HIF3A: variants seen among roughly 807,000 people sequenced by gnomAD.
The protein encoded by HIF3A is hypoxia-inducible factor 3-alpha.
Under a neutral mutation model 67.2 loss-of-function variants are expected in HIF3A, and 41 were observed. That is an observed-to-expected ratio of 0.61 (90% CI 0.48 to 0.79). The LOEUF is 0.79. HIF3A is among the 30% of genes least tolerant of loss of function. HIF3A has a pLI of 0.00. For synonymous variants in HIF3A, 356 were observed against 374.8 expected (o/e 0.95, Z 0.58); for missense variants, 855 against 898.0 (o/e 0.95, Z 0.61).
intron 1 of HIF3A, chr19:46,298,373 C>A: frequency 2.3e-6 from 3 of 1,280,208 alleles, no homozygotes; most frequent in South Asian, 1.2e-5. Flanking sequence ...GCCCCCCCTC[C>A]CCACCCAAGG....
intron 11 of HIF3A, among the ~76,000 whole-genome samples, chr19:46,326,820 A>T (rs903560202): frequency 6.6e-6 from 1 of 152,144 alleles, no homozygotes; most frequent in Non-Finnish European, 1.5e-5. Context: ...TTTGAAATCC[A>T]TATGGGAAAA....
chr19:46,297,149 T>G lies in HIF3A; in HGVS notation c.26+47T>G. The G allele has an allele frequency of 1.6e-5, 6 of 373,828 alleles. No individual in the cohort carries two copies. Among genetic ancestry groups the G allele is most frequent in the Admixed American group, 4.1e-5 (1 of 24,358 alleles). The allele number at this position is 373,828 out of a possible 1,614,324, so 23.2% of individuals were successfully genotyped here. A position where few individuals can be genotyped will look rare whatever the true frequency, so the allele number is the denominator to read the frequency against. On this transcript the variant is annotated intron_variant, in intron 1 of 14. Coordinates refer to ENST00000377670, the MANE Select transcript of HIF3A (RefSeq NM_152795.4). This position sits in a 1 kb window ranked among gnomAD's most constrained non-coding sequence, Gnocchi z 4.5. ...AGTTCTGGGAATTGGGGGGCTCTCC[T>G]CCTGGAGACCCCTGAGCTGGATTGT...
At chr19:46,309,445 TTCTCTC>T in intron 6 of HIF3A, 86 bp downstream of exon 6, 1 of 676,384 alleles carries the variant, frequency 1.5e-6, no homozygotes, top group Non-Finnish European at 2.4e-6. Context: ...CTCTCTCTCC[TTCTCTC>T]TCTCTCTCTC....
At chr19:46,334,493 C>T (rs538537490) in intron 13 of HIF3A, among the ~76,000 whole-genome samples, 2 of 152,236 alleles carry the variant, frequency 1.3e-5, no homozygotes, top group Middle Eastern at 3.4e-3. Context: ...CTTGGCCTTC[C>T]AAAAGCACTA....
chr19:46,336,762 G>A (rs183607051), intron 14 of HIF3A, among the ~76,000 whole-genome samples: 1 of 152,064 alleles, frequency 6.6e-6, no homozygotes, highest in African/African-American at 2.4e-5. Flanking sequence ...TGAGGCAGGC[G>A]GACCACCTGA....
At chr19:46,329,576 C>T in intron 12 of HIF3A, 98 bp downstream of exon 12, 3 of 1,353,018 alleles carry the variant, frequency 2.2e-6, no homozygotes, top group Non-Finnish European at 2.9e-6. Flanking sequence ...TTTCTCTAAC[C>T]CTGATCTCTG....
chr19:46,309,177 G>A lies in HIF3A; in HGVS notation c.588G>A (p.Arg196=), dbSNP rs1239463748. 1.2e-6 allele frequency: 2 copies of A among 1,613,908 alleles called. No individual in the cohort carries two copies. The highest frequency in any genetic ancestry group is 1.7e-5 in the Admixed American group (1 of 59,980). The change falls in exon 6 of 15, where the codon AGG becomes AGA. Residue 196 remains arginine (R), a synonymous_variant. Coordinates refer to ENST00000377670, the MANE Select transcript of HIF3A (RefSeq NM_152795.4). ...WKVLNCSGHM[R]AYKPPAQTSP... is the part of the protein sequence containing the mutation. ...TGCTGAACTGCTCTGGACATATGAGGGCCTACAAGCCACCTGCGCAGACTT... is the reference window on the plus strand; with the variant it reads ...TGCTGAACTGCTCTGGACATATGAGAGCCTACAAGCCACCTGCGCAGACTT...
intron 3 of HIF3A, among the ~76,000 whole-genome samples, chr19:46,307,975 C>T (rs202217509): frequency 1.3e-4 from 3 of 23,848 alleles, no homozygotes; most frequent in Non-Finnish European, 2.2e-4. Flanking sequence ...GACAGACAGA[C>T]AGACAGACAG....
chr19:46,302,660 G>A (rs1298553932), intron 1 of HIF3A, among the ~76,000 whole-genome samples: 1 of 152,182 alleles, frequency 6.6e-6, no homozygotes, highest in Non-Finnish European at 1.5e-5. Flanking sequence ...GATCACTTGA[G>A]TTCAGGAGTT....
chr19:46,299,312 C>T (rs1968131447), intron 1 of HIF3A, among the ~76,000 whole-genome samples: 1 of 152,246 alleles, frequency 6.6e-6, no homozygotes, highest in South Asian at 2.1e-4. Flanking sequence ...GTGGGGGCCA[C>T]ACCTGCCAAG....
intron 8 of HIF3A, among the ~76,000 whole-genome samples, chr19:46,318,757 A>G (rs1970130748): frequency 6.6e-6 from 1 of 151,630 alleles, no homozygotes; most frequent in South Asian, 2.1e-4. Context: ...AGTAGCTGGG[A>G]CTACAGGCGC....
chr19:46,298,227 T>G, intron 1 of HIF3A: 3 of 346,412 alleles, frequency 8.7e-6, no homozygotes, highest in Non-Finnish European at 1.7e-5. Flanking sequence ...CTCTCCCCTG[T>G]CCCCTACTCT....
chr19:46,309,122 C>A, intron 5 of HIF3A, 29 bp from the exon 6 acceptor site: 1 of 1,589,344 alleles, frequency 6.3e-7, no homozygotes, highest in Non-Finnish European at 8.6e-7. Context: ...AGAGGCACCA[C>A]TGCCTTGTCC....
intron 8 of HIF3A, 162 bp downstream of exon 8, chr19:46,312,815 C>T (rs568146330): frequency 7.5e-7 from 1 of 1,333,920 alleles, no homozygotes; most frequent in East Asian, 3.0e-5. Flanking sequence ...GAATGTGTGT[C>T]ACCATGTAAA....
At chr19:46,332,694 A>G (rs1438773009) in intron 13 of HIF3A, among the ~76,000 whole-genome samples, 2 of 152,150 alleles carry the variant, frequency 1.3e-5, no homozygotes, top group Non-Finnish European at 2.9e-5. Context: ...ATAATATAAC[A>G]GTTTACAGGC....
At chr19:46,327,047 C>G (rs571447722) in intron 11 of HIF3A, among the ~76,000 whole-genome samples, 2 of 151,946 alleles carry the variant, frequency 1.3e-5, no homozygotes, top group African/African-American at 4.8e-5. Context: ...CCCAGCTACT[C>G]GGGAGGCTGA....
chr19:46,339,408 G>A (rs983349151), intron 14 of HIF3A, 117 bp from the exon 15 acceptor site: 8 of 672,768 alleles, frequency 1.2e-5, no homozygotes, highest in Admixed American at 6.7e-5. Flanking sequence ...TCCTTTGTTC[G>A]AGTGTTCAAT....
chr19:46,303,908 G>A lies in HIF3A; in HGVS notation c.37G>A (p.Glu13Lys), dbSNP rs1968565958. The A allele has an allele frequency of 6.2e-7, 1 of 1,608,496 alleles. No homozygotes were observed. Among genetic ancestry groups the A allele is most frequent in the Non-Finnish European group, 8.5e-7 (1 of 1,177,896 alleles). Residue 13 changes from glutamate (E) to lysine (K), a missense_variant, in exon 2 of 15, where the codon GAG becomes AAG. Coordinates refer to ENST00000377670, the MANE Select transcript of HIF3A (RefSeq NM_152795.4). ...LGLQRARSTT[E>K]LRKEKSRDAA... ...TGCCCATGCCCTCAGGTCGACCACG[G>A]AGCTGCGCAAGGAAAAGTCCCGGGA...
At chr19:46,307,274 G>A (rs1968936560) in intron 3 of HIF3A, among the ~76,000 whole-genome samples, 1 of 152,082 alleles carries the variant, frequency 6.6e-6, no homozygotes, top group Non-Finnish European at 1.5e-5. Flanking sequence ...AGCTCTTCAA[G>A]GCAGGGATTT....
Sources: gnomAD v4.1 joint callset for allele counts (sites outside exome capture counted in the v4.1 genomes callset) on GRCh38, gnomAD v4.1.1 for gene constraint, Gnocchi (gnomAD v3.1) non-coding constraint, MANE v1.5 for transcripts, NCBI Gene and HGNC (gene_info 2026-07-23, HGNC 2026-07-21) for gene names.